Variants in SLC12A4 observed in about 807,000 individuals in gnomAD.
SLC12A4 encodes the protein solute carrier family 12 member 4, also known as electroneutral potassium-chloride cotransporter 1.
Under a neutral mutation model 119.2 loss-of-function variants are expected in SLC12A4, and 84 were observed. That is an observed-to-expected ratio of 0.70 (90% CI 0.59 to 0.85). SLC12A4 has a LOEUF of 0.85. Ranked by LOEUF, SLC12A4 falls within the 40% of genes least tolerant of loss-of-function variation. SLC12A4 has a pLI of 0.00. For synonymous variants in SLC12A4, 599 were observed against 604.6 expected (o/e 0.99, Z 0.14); for missense variants, 1,298 against 1,476.3 (o/e 0.88, Z 1.98).
chr16:67,964,188 G>A (rs2030754104), intron 1 of SLC12A4: 2 of 1,222,992 alleles, frequency 1.6e-6, no homozygotes, highest in African/African-American at 3.0e-5. Flanking sequence ...TCGGACGGGT[G>A]GGTGTCGGAC....
Position 67,945,414 on chromosome 16 carries a change from G to C in SLC12A4, c.2987C>G (p.Pro996Arg). 6.2e-7 allele frequency: 1 copy of C among 1,613,998 alleles called. No homozygotes were observed. The highest frequency in any genetic ancestry group is 8.5e-7 in the Non-Finnish European group (1 of 1,179,990). ...RDKYMTETWD[P>R]SHAPDNFREL... ...CCGGAAATTGTCAGGGGCATGGCTG[G>C]GGTCCCAGGTCTCAGTCATGTACTT... Residue 996 changes from proline to arginine, a missense_variant, in exon 22 of 24, where the codon CCC becomes CGC. Pro to Arg is a moderately radical substitution (Grantham distance 103). Coordinates refer to ENST00000316341, the MANE Select transcript of SLC12A4 (RefSeq NM_005072.5).
chr16:67,963,497 C>A lies in SLC12A4; in HGVS notation c.178G>T (p.Asp60Tyr). Residue 60 changes from aspartate to tyrosine, a missense_variant, in exon 2 of 24, where the codon GAC becomes TAC. Asp to Tyr is a radical substitution (Grantham distance 160, BLOSUM62 -3). Coordinates refer to ENST00000316341, the MANE Select transcript of SLC12A4 (RefSeq NM_005072.5). ...AGTGCCAGGTTCCTGTCATAGTAGT[C>A]AATTCCTCTGGAAGCCTCCAAGGGG... ...LSPLEASRGIDYYDRNLALFE... is the reference protein window; with the variant it reads ...LSPLEASRGIYYYDRNLALFE... 6.3e-7 allele frequency: 1 copy of A among 1,583,704 alleles called. No individual in the cohort carries two copies. Among genetic ancestry groups the A allele is most frequent in the South Asian group, 1.2e-5 (1 of 86,366 alleles).
intron 5 of SLC12A4, chr16:67,957,396 C>CGGGGGT: frequency 4.0e-6 from 1 of 248,978 alleles, no homozygotes; most frequent in South Asian, 4.6e-5. Flanking sequence ...GTCTCGATCT[C>CGGGGGT]CTGCCCTTGT....
intron 21 of SLC12A4, 37 bp from the exon 22 acceptor site, chr16:67,945,590 G>A: frequency 6.3e-7 from 1 of 1,594,932 alleles, no homozygotes; most frequent in Non-Finnish European, 8.6e-7. Flanking sequence ...TGGTCCCATA[G>A]GAAAAGGGGG....
Position 67,957,889 on chromosome 16 carries a change from G to T in SLC12A4, c.489+9C>A. 5 of 1,614,176 alleles carry T rather than the reference G, an allele frequency of 3.1e-6. No individual in the cohort carries two copies. Among genetic ancestry groups the T allele is most frequent in the Non-Finnish European group, 4.2e-6 (5 of 1,180,026 alleles). ...GCCCAGCCCAACCCTCCCACGCCAG[G>T]ACACTCACACAACAGCAGCAGATAA... On this transcript the variant is annotated intron_variant, in intron 4 of 23. Transcript: ENST00000316341.
rs2058402808 is a variant in SLC12A4 at position 67,950,550 on chromosome 16, C to T, written c.1455-57G>A. ...GGGTCCGGAAGGATGGCACAGACCA[C>T]CAAAGGCAGCCAGCAGGCTTAGGAC... On this transcript the variant is annotated intron_variant, in intron 11 of 23. Coordinates refer to ENST00000316341, the MANE Select transcript of SLC12A4 (RefSeq NM_005072.5). The surrounding 1 kb of genome is among the most constrained non-coding windows in gnomAD (Gnocchi z 4.3). 2 of 1,610,496 alleles carry T rather than the reference C, an allele frequency of 1.2e-6. No individual in the cohort carries two copies. The highest frequency in any genetic ancestry group is 1.7e-6 in the Non-Finnish European group (2 of 1,177,750).
At chr16:67,957,631 C>T (rs2030339942) in intron 5 of SLC12A4, 111 bp downstream of exon 5, 2 of 1,212,336 alleles carry the variant, frequency 1.6e-6, no homozygotes, top group African/African-American at 1.5e-5. Flanking sequence ...GGATTGGGAG[C>T]CCACTACAGA....
In SLC12A4 at chr16:67,950,768, C is replaced by T. The variant is rs1222957984; in HGVS notation, c.1397-57G>A. On this transcript the variant is annotated intron_variant, in intron 10 of 23. Coordinates refer to ENST00000316341, the MANE Select transcript of SLC12A4 (RefSeq NM_005072.5). This position sits in a 1 kb window ranked among gnomAD's most constrained non-coding sequence, Gnocchi z 4.3. ...GCCACCCCACTGTCCCTGAATAGTA[C>T]CACGTGCCCCCACCCCAGCCAGACT... is the stretch of plus-strand genomic sequence containing the variant. The T allele has an allele frequency of 1.9e-6, 3 of 1,561,582 alleles. No individual in the cohort carries two copies. In the East Asian group the frequency reaches 7.2e-5, roughly 37 times the overall value.
Position 67,950,024 on chromosome 16 carries a change from C to G in SLC12A4, c.1630-106G>C. On this transcript the variant is annotated intron_variant, in intron 12 of 23. Coordinates refer to ENST00000316341, the MANE Select transcript of SLC12A4 (RefSeq NM_005072.5). This position sits in a 1 kb window ranked among gnomAD's most constrained non-coding sequence, Gnocchi z 4.3. ...ACCCCCAGGGCCCGCCTTGGGGGCT[C>G]AGGCCGCCCCTGTGTCTATCCCTAT... The G allele has an allele frequency of 1.1e-6, 1 of 872,456 alleles. No homozygotes were observed. The highest frequency in any genetic ancestry group is 1.9e-6 in the Non-Finnish European group (1 of 538,478). 54.0% of individuals were successfully genotyped at this position (872,456 alleles called of 1,614,324 possible). A position where few individuals can be genotyped will look rare whatever the true frequency, so the allele number is the denominator to read the frequency against.
At chr16:67,959,400 G>A (rs557067068) in intron 3 of SLC12A4, among the ~76,000 whole-genome samples, 4 of 152,192 alleles carry the variant, frequency 2.6e-5, no homozygotes, top group African/African-American at 9.7e-5. Context: ...GACAGTGCCC[G>A]TGCTGCCCTG....
rs1241279566 is a variant in SLC12A4 at position 67,951,389 on chromosome 16, G to C, written c.1133-85C>G. The C allele has an allele frequency of 6.8e-7, 1 of 1,461,868 alleles. No individual in the cohort carries two copies. Among genetic ancestry groups the C allele is most frequent in the African/African-American group, 1.4e-5 (1 of 71,110 alleles). 90.6% of individuals were successfully genotyped at this position (1,461,868 alleles called of 1,614,324 possible). A position where few individuals can be genotyped will look rare whatever the true frequency, so the allele number is the denominator to read the frequency against. ...CAGCCTAGCCAGAGGCGCAGATGCA[G>C]GGCAACTTTGGGGACTCAGGGAACA... On this transcript the variant is annotated intron_variant, in intron 8 of 23. Transcript: ENST00000316341. This position sits in a 1 kb window ranked among gnomAD's most constrained non-coding sequence, Gnocchi z 5.2.
In SLC12A4 at chr16:67,946,201, C is replaced by T; in HGVS notation, c.2577G>A (p.Met859Ile). The T allele has an allele frequency of 6.2e-7, 1 of 1,613,942 alleles. No individual in the cohort carries two copies. The highest frequency in any genetic ancestry group is 8.5e-7 in the Non-Finnish European group (1 of 1,180,032). ...WWIVHDGGML[M>I]LLPFLLRQHK... Reference sequence around the variant, plus strand: ...GCTGGCGCAGCAGGAAGGGCAGAAGCATGAGCATGCCACCATCGTGCACGA... The same window carrying T: ...GCTGGCGCAGCAGGAAGGGCAGAAGTATGAGCATGCCACCATCGTGCACGA... Residue 859 changes from methionine (M) to isoleucine (I), a missense_variant, in exon 19 of 24, where the codon ATG (methionine) becomes ATA (isoleucine). Transcript: ENST00000316341.
Position 67,951,104 on chromosome 16 carries a change from G to A in SLC12A4, c.1297+36C>T. ...CTCCCTCAGGGGCTCCCCGGGATTG[G>A]GGACAGGGCTGGGTGGGTAGGCAGG... is the stretch of plus-strand genomic sequence containing the variant. On this transcript the variant is annotated intron_variant, in intron 9 of 23. Coordinates refer to ENST00000316341, the MANE Select transcript of SLC12A4 (RefSeq NM_005072.5). This position sits in a 1 kb window ranked among gnomAD's most constrained non-coding sequence, Gnocchi z 5.2. 6.2e-7 allele frequency: 1 copy of A among 1,613,682 alleles called. No individual in the cohort carries two copies. Among genetic ancestry groups the A allele is most frequent in the Non-Finnish European group, 8.5e-7 (1 of 1,179,692 alleles).
Position 67,947,401 on chromosome 16 carries a change from G to C in SLC12A4, c.2002C>G (p.Leu668Val), listed in dbSNP as rs60064020. ...EKEWGDGIRG[L>V]SLSAARYALL... ...GCGTAGCGGGCAGCGCTCAGGGACAGGCCTCGGATCCCGTCACCCCACTCC... is the reference window on the plus strand; with the variant it reads ...GCGTAGCGGGCAGCGCTCAGGGACACGCCTCGGATCCCGTCACCCCACTCC... Residue 668 changes from leucine (L) to valine (V), a missense_variant, in exon 16 of 24, where the codon CTG becomes GTG. By Grantham distance (32) the Leu-to-Val change is conservative. Coordinates refer to ENST00000316341, the MANE Select transcript of SLC12A4 (RefSeq NM_005072.5). The C allele has an allele frequency of 6.2e-7, 1 of 1,612,824 alleles. No homozygotes were observed. Among genetic ancestry groups the C allele is most frequent in the African/African-American group, 1.3e-5 (1 of 75,052 alleles).
chr16:67,950,311 G>A lies in SLC12A4; in HGVS notation c.1629+8C>T, dbSNP rs749673953. ...AGCCAGGCCATGGGGGAGTGCAGAG[G>A]GGCTCACCCGGAGGAAGGGGATGAT... On this transcript the variant is annotated splice_region_variant and intron_variant, in intron 12 of 23. Coordinates refer to ENST00000316341, the MANE Select transcript of SLC12A4 (RefSeq NM_005072.5). This position sits in a 1 kb window ranked among gnomAD's most constrained non-coding sequence, Gnocchi z 4.3. The A allele has an allele frequency of 6.2e-7, 1 of 1,613,106 alleles. No individual in the cohort carries two copies. The highest frequency in any genetic ancestry group is 8.5e-7 in the Non-Finnish European group (1 of 1,179,700).
At position 67,945,365 on chromosome 16, in the gene SLC12A4, T is replaced by C. The variant is rs757787133; in HGVS notation, c.3032+4A>G. On this transcript the variant is annotated splice_donor_region_variant and intron_variant, in intron 22 of 23. Coordinates refer to ENST00000316341, the MANE Select transcript of SLC12A4 (RefSeq NM_005072.5). ...GCCGCTGGGGCTGTTTTTGCTGCAC[T>C]CACGGCTTAATGTGCACCAGCTCCC... 6.2e-7 allele frequency: 1 copy of C among 1,611,944 alleles called. No individual in the cohort carries two copies. Among genetic ancestry groups the C allele is most frequent in the South Asian group, 1.1e-5 (1 of 90,906 alleles).
In SLC12A4 at chr16:67,963,459, A is replaced by G; in HGVS notation, c.210+6T>C. ...AACCTGTGGCCCAAAATGGCTCCTC[A>G]GCTACCTCAAACAGTGCCAGGTTCC... On this transcript the variant is annotated splice_donor_region_variant and intron_variant, in intron 2 of 23. Coordinates refer to ENST00000316341, the MANE Select transcript of SLC12A4 (RefSeq NM_005072.5). The G allele has an allele frequency of 1.9e-6, 3 of 1,562,590 alleles. No individual in the cohort carries two copies. The highest frequency in any genetic ancestry group is 2.6e-6 in the Non-Finnish European group (3 of 1,163,634).
chr16:67,955,232 A>G (rs933543169), intron 5 of SLC12A4, among the ~76,000 whole-genome samples: 2 of 152,220 alleles, frequency 1.3e-5, no homozygotes, highest in African/African-American at 2.4e-5. Context: ...CCACCAGGTG[A>G]GTGTCCACGG....
At chr16:67,957,519 TTTTC>T (rs951363417) in intron 5 of SLC12A4, 16 of 584,692 alleles carry the variant, frequency 2.7e-5, no homozygotes, top group African/African-American at 2.6e-4. Flanking sequence ...TGCCCTTTTT[TTTTC>T]TTTTTTGGTA....
Sources: gnomAD v4.1 joint callset for allele counts (sites outside exome capture counted in the v4.1 genomes callset) on GRCh38, gnomAD v4.1.1 for gene constraint, Gnocchi (gnomAD v3.1) non-coding constraint, MANE v1.5 for transcripts, NCBI Gene and HGNC (gene_info 2026-07-23, HGNC 2026-07-21) for gene names.